KIF27: variants seen among roughly 807,000 people sequenced by gnomAD.
The protein encoded by KIF27 is kinesin-like protein KIF27.
KIF27 carries 84 observed loss-of-function variants against 141.8 expected under a neutral mutation model. The ratio of observed to expected loss-of-function variants is 0.59; its 90% CI spans 0.50 to 0.71. KIF27 has a LOEUF of 0.71. Ranked by LOEUF, KIF27 falls within the 30% of genes least tolerant of loss-of-function variation. The probability of loss-of-function intolerance (pLI) is 0.00; values close to 1 mark genes in which losing one functional copy is unlikely to be tolerated. For missense variants in KIF27, 1,306 were observed against 1,628.4 expected, an observed-to-expected ratio of 0.80 and a Z score of 3.41; for synonymous variants, 471 against 569.5, an observed-to-expected ratio of 0.83 and a Z score of 2.46.
At position 83,882,039 on chromosome 9, in the gene KIF27, A is replaced by G. The variant is rs1320456101; in HGVS notation, c.2446-1545T>C. On this transcript the variant is annotated intron_variant, in intron 10 of 17. Transcript: ENST00000297814. The stretch of plus-strand genomic sequence containing the variant: ...AAATTGAAATAACTGTTTTATACCA[A>G]TAATAATACTAGTATTTCAATATTT... Among the ~76,000 whole-genome samples, 3 of 152,154 alleles carry G rather than the reference A, an allele frequency of 2.0e-5. No individual in the cohort carries two copies. The East Asian group carries it at 5.8e-4, about 29-fold the overall frequency.
intron 17 of KIF27, chr9:83,838,866 A>T (rs1946229612): frequency 6.6e-6 from 1 of 152,144 alleles, no homozygotes. Context: ...TCTAGTTTTT[A>T]AAAATCTCTC....
chr9:83,920,136 T>C (rs1956112960), intron 1 of KIF27, among the ~76,000 whole-genome samples: 1 of 152,010 alleles, frequency 6.6e-6, no homozygotes, highest in African/African-American at 2.4e-5. Flanking sequence ...GAGGCTGAGA[T>C]TGGAGGATCG....
At chr9:83,858,875 C>T (rs1949561477) in intron 14 of KIF27, 1 of 414,688 alleles carries the variant, frequency 2.4e-6, no homozygotes, top group Non-Finnish European at 4.4e-6. Flanking sequence ...CGAGAAACCC[C>T]AGCTGAGGAG....
intron 17 of KIF27, among the ~76,000 whole-genome samples, chr9:83,839,736 TGAG>T (rs1360135908): frequency 2.6e-5 from 4 of 152,170 alleles, no homozygotes; most frequent in African/African-American, 9.7e-5. Flanking sequence ...GTGGATCACC[TGAG>T]GTCAGGAGTT....
intron 5 of KIF27, among the ~76,000 whole-genome samples, chr9:83,897,053 T>C (rs1953333475): frequency 6.6e-6 from 1 of 152,176 alleles, no homozygotes. Flanking sequence ...TTGAATTGTA[T>C]ATTTGAAGGG....
chr9:83,880,384 C>A lies in KIF27; in HGVS notation c.2556G>T (p.Lys852Asn). 6.3e-7 allele frequency: 1 copy of A among 1,590,986 alleles called. No homozygotes were observed. The highest frequency in any genetic ancestry group is 8.6e-7 in the Non-Finnish European group (1 of 1,167,860). The change falls in exon 11 of 18, where the codon AAG becomes AAT. Residue 852 changes from lysine to asparagine, a missense_variant. Physicochemically the swap from Lys to Asn is moderately conservative, Grantham distance 94. Around this residue, in one of 4 missense-constraint regions of KIF27, gnomAD observed 596 missense variants for 751.6 expected, o/e 0.79. Transcript: ENST00000297814. ...EQSVDHMKYQ[K>N]IQLQRKLREE... ...CTCGTAGTTTTCTTTGTAGCTGTATCTTTTGATATTTCATGTGATCTACAC... is the reference window on the plus strand; with the variant it reads ...CTCGTAGTTTTCTTTGTAGCTGTATATTTTGATATTTCATGTGATCTACAC...
At chr9:83,870,707 CTTTT>C (rs544179803) in intron 11 of KIF27, 75 bp from the exon 12 acceptor site, 2,616 of 1,251,394 alleles carry the variant, frequency 2.1e-3, no homozygotes, top group East Asian at 5.1e-3. Context: ...CAATTATTTT[CTTTT>C]TTTTTTTTTT....
At chr9:83,910,435 G>A (rs1955028828) in intron 2 of KIF27, among the ~76,000 whole-genome samples, 2 of 152,148 alleles carry the variant, frequency 1.3e-5, no homozygotes, top group Admixed American at 6.5e-5. Context: ...ATTCATTTAC[G>A]TTGGCAAGAA....
At chr9:83,844,700 TAATG>T (rs1255199178) in intron 16 of KIF27, among the ~76,000 whole-genome samples, 2 of 152,276 alleles carry the variant, frequency 1.3e-5, no homozygotes, top group South Asian at 2.1e-4. Flanking sequence ...CCAAGGAACA[TAATG>T]AAGCTGGTTG....
intron 13 of KIF27, among the ~76,000 whole-genome samples, chr9:83,863,488 G>A (rs1950109385): frequency 6.6e-6 from 1 of 152,130 alleles, no homozygotes; most frequent in African/African-American, 2.4e-5. Context: ...TTATTGATTT[G>A]CGTATGTTGA....
Position 83,834,815 on chromosome 9 carries a change from A to G in KIF27, c.*2186T>C, listed in dbSNP as rs1194574934. Among the ~76,000 whole-genome samples the G allele has an allele frequency of 6.7e-6, 1 of 149,814 alleles. No homozygotes were observed. The highest frequency in any genetic ancestry group is 1.5e-5 in the Non-Finnish European group (1 of 67,564). On this transcript the variant is annotated 3_prime_UTR_variant, in exon 18 of 18. Transcript: ENST00000297814. ...TGTATATATACAAGTGTATCTATAT[A>G]TACATTATAGCTATATAATGATATA...
Position 83,912,644 on chromosome 9 carries a change from A to G in KIF27, c.298+2650T>C, listed in dbSNP as rs1337173317. ...TAATAAAGCTCCAATATGTATTTTG[A>G]TAATTTAAATATAAAATTTGCAATG... On this transcript the variant is annotated intron_variant, in intron 2 of 17. Transcript: ENST00000297814. Among the ~76,000 whole-genome samples, 5 of 152,246 alleles carry G rather than the reference A, an allele frequency of 3.3e-5. No homozygotes were observed. The East Asian group carries it at 9.6e-4, about 29-fold the overall frequency.
Position 83,835,399 on chromosome 9 carries a change from G to GA in KIF27, c.*1601dup, listed in dbSNP as rs975353216. Among the ~76,000 whole-genome samples, 6 of 151,948 alleles carry GA rather than the reference G, an allele frequency of 3.9e-5. No homozygotes were observed. Among genetic ancestry groups the GA allele is most frequent in the African/African-American group, 1.4e-4 (6 of 41,386 alleles). On this transcript the variant is annotated 3_prime_UTR_variant, in exon 18 of 18. Transcript: ENST00000297814. ...TTGTAAATTAGTTTTTTGAAATTTA[G>GA]AAAATAGTATCTCATTGGACCAATA...
At chr9:83,908,719 T>G in intron 2 of KIF27, 67 bp from the exon 3 acceptor site, 1 of 938,706 alleles carries the variant, frequency 1.1e-6, no homozygotes, top group Non-Finnish European at 1.6e-6. Context: ...ACCCCAAATT[T>G]ATAGTTAATT....
chr9:83,907,977 T>G (rs1247606287), intron 3 of KIF27, among the ~76,000 whole-genome samples: 1 of 152,052 alleles, frequency 6.6e-6, no homozygotes, highest in African/African-American at 2.4e-5. Flanking sequence ...TAAGAGAGAT[T>G]AATAGGCTGG....
intron 5 of KIF27, among the ~76,000 whole-genome samples, chr9:83,896,790 T>G (rs1953305909): frequency 6.6e-6 from 1 of 151,956 alleles, no homozygotes; most frequent in East Asian, 1.9e-4. Flanking sequence ...TAAATGAAAA[T>G]AGCATACTAA....
intron 5 of KIF27, chr9:83,898,629 A>G (rs1953513743): frequency 6.6e-6 from 1 of 152,140 alleles, no homozygotes; most frequent in African/African-American, 2.4e-5. Context: ...ATTGTTTTGT[A>G]TATACTTTAG....
chr9:83,837,318 C>T lies in KIF27; in HGVS notation c.3889G>A (p.Glu1297Lys), dbSNP rs769173452. 1 of 1,606,950 alleles carries T rather than the reference C, an allele frequency of 6.2e-7. No homozygotes were observed. Among genetic ancestry groups the T allele is most frequent in the Non-Finnish European group, 8.5e-7 (1 of 1,173,882 alleles). ...ATTGGAGGTAATTCTGGGATATCTT[C>T]CCAGAGCTTTTGAGGATTTGGCTGT... ...RTQPNPQKLW[E>K]DIPELPPIHS... The change falls in exon 18 of 18, where the codon GAA (glutamate) becomes AAA (lysine). Residue 1297 changes from glutamate (E) to lysine (K), a missense_variant. This residue lies in a region of KIF27 where 148 missense variants were observed against 250.9 expected (regional missense o/e 0.59). Coordinates refer to ENST00000297814, the MANE Select transcript of KIF27 (RefSeq NM_017576.4).
intron 5 of KIF27, among the ~76,000 whole-genome samples, chr9:83,892,589 TAATG>T (rs1294624827): frequency 6.6e-6 from 1 of 152,012 alleles, no homozygotes; most frequent in East Asian, 1.9e-4. Flanking sequence ...TATGTTAAAT[TAATG>T]AATGAATAAT....
Sources: allele counts gnomAD v4.1 joint callset (sites outside exome capture counted in the v4.1 genomes callset), GRCh38; gene constraint gnomAD v4.1.1; regional missense constraint gnomAD v4.1.1; transcripts MANE v1.5; gene names NCBI Gene and HGNC (gene_info 2026-07-23, HGNC 2026-07-21).